Variants in MEIG1 observed in about 807,000 individuals in gnomAD.
The protein encoded by MEIG1 is meiosis expressed gene 1 protein homolog.
In MEIG1, 12 loss-of-function variants were observed where a neutral mutation model predicts 11.3. The observed-to-expected ratio is 1.07, with a 90% CI of 0.68 to 1.73. MEIG1 has a LOEUF of 1.73. Ranked by LOEUF, MEIG1 falls within the 40% of genes most tolerant of loss-of-function variation. The probability of loss-of-function intolerance (pLI) is 0.00; values close to 1 mark genes in which losing one functional copy is unlikely to be tolerated. For missense variants in MEIG1, 119 were observed against 104.9 expected (o/e 1.13, Z -0.59); for synonymous variants, 41 against 33.2 (o/e 1.24, Z -0.81).
At chr10:14,955,133 C>T (rs1589196695), upstream of MEIG1, among the ~76,000 whole-genome samples, 1 of 152,094 alleles carries the variant, frequency 6.6e-6, no homozygotes, top group African/African-American at 2.4e-5. Context: ...GGTTTCACCA[C>T]GTTGACCAGG....
chr10:14,974,317 C>T (rs896150921), downstream of MEIG1, among the ~76,000 whole-genome samples: 1 of 141,486 alleles, frequency 7.1e-6, no homozygotes, highest in African/African-American at 2.5e-5. Context: ...ACATGAGCAA[C>T]CGGTGGCAAT....
chr10:14,961,660 A>T (rs1450912406), intron 1 of MEIG1, among the ~76,000 whole-genome samples: 66 of 25,566 alleles, frequency 2.6e-3, no homozygotes, highest in South Asian at 3.5e-3. Context: ...TTTTTTTTTT[A>T]GTAGAGACAG....
intron 1 of MEIG1, among the ~76,000 whole-genome samples, chr10:14,960,257 A>G (rs148259917): frequency 1.3e-5 from 2 of 152,202 alleles, no homozygotes; most frequent in Non-Finnish European, 2.9e-5. Flanking sequence ...AAAAGGGACT[A>G]TTAGGGAGGC....
chr10:14,984,870 A>G (rs1843302536), intron 1 of MEIG1, among the ~76,000 whole-genome samples: 1 of 151,622 alleles, frequency 6.6e-6, no homozygotes, highest in Admixed American at 6.6e-5. Flanking sequence ...CTCGTAATTC[A>G]CAGGTCCTGT....
chr10:14,974,824 ATAT>A (rs1303719028), downstream of MEIG1, among the ~76,000 whole-genome samples: 50 of 152,024 alleles, frequency 3.3e-4, 1 homozygote, highest in Non-Finnish European at 5.7e-4. Flanking sequence ...ATTAATATTA[ATAT>A]TAATAATCTG....
At chr10:14,984,624 G>T (rs993026212) in intron 1 of MEIG1, among the ~76,000 whole-genome samples, 1 of 151,860 alleles carries the variant, frequency 6.6e-6, no homozygotes, top group African/African-American at 2.4e-5. Flanking sequence ...TATGTCACAG[G>T]GTTTGTACAC....
chr10:14,967,418 A>T (rs889069278), intron 2 of MEIG1, among the ~76,000 whole-genome samples: 2 of 152,042 alleles, frequency 1.3e-5, no homozygotes, highest in African/African-American at 4.8e-5. Flanking sequence ...GCTTTGCTTT[A>T]TGAAGGCTAG....
At chr10:14,974,743 TTAA>T (rs2131277149), downstream of MEIG1, among the ~76,000 whole-genome samples, 1 of 152,236 alleles carries the variant, frequency 6.6e-6, no homozygotes, top group Admixed American at 6.5e-5. Flanking sequence ...ATATTAATGA[TTAA>T]TGACACCTGA....
At chr10:14,965,700 G>GAGAGAGAA (rs1421666920) in intron 1 of MEIG1, among the ~76,000 whole-genome samples, 1 of 107,882 alleles carries the variant, frequency 9.3e-6, no homozygotes, top group African/African-American at 3.4e-5. Context: ...GAGAGAGAGA[G>GAGAGAGAA]AGAGAGAGAG....
chr10:14,973,200 A>C (rs375968806), downstream of MEIG1, among the ~76,000 whole-genome samples: 32 of 152,266 alleles, frequency 2.1e-4, no homozygotes, highest in East Asian at 4.1e-3. Context: ...ATCACCATTA[A>C]GTATGGGAAA....
At chr10:14,984,812 G>A (rs1330325209) in intron 1 of MEIG1, among the ~76,000 whole-genome samples, 1 of 152,088 alleles carries the variant, frequency 6.6e-6, no homozygotes, top group Non-Finnish European at 1.5e-5. Flanking sequence ...GATGTCACAC[G>A]GGGTGGACAC....
At chr10:14,962,493 T>C (rs1050212415) in intron 1 of MEIG1, among the ~76,000 whole-genome samples, 3 of 152,228 alleles carry the variant, frequency 2.0e-5, no homozygotes, top group Admixed American at 6.5e-5. Context: ...CAAAGTCCAA[T>C]TGAATACAGC....
At chr10:14,954,661 C>T (rs978097350), upstream of MEIG1, among the ~76,000 whole-genome samples, 1 of 152,050 alleles carries the variant, frequency 6.6e-6, no homozygotes, top group Non-Finnish European at 1.5e-5. Context: ...CCAATAATGC[C>T]TTCGCTGCTG....
At chr10:14,978,233 C>G (rs1279684011) in intron 1 of MEIG1, among the ~76,000 whole-genome samples, 1 of 151,698 alleles carries the variant, frequency 6.6e-6, no homozygotes. Context: ...GATGTTAGTC[C>G]TAAGACCCAG....
At chr10:14,973,957 G>A (rs74662960), downstream of MEIG1, among the ~76,000 whole-genome samples, 1 of 152,188 alleles carries the variant, frequency 6.6e-6, no homozygotes, top group South Asian at 2.1e-4. Flanking sequence ...TGGGAATCAC[G>A]TGCTTATTTC....
chr10:14,955,535 C>A (rs1842922516), upstream of MEIG1, among the ~76,000 whole-genome samples: 2 of 152,084 alleles, frequency 1.3e-5, no homozygotes, highest in African/African-American at 4.8e-5. Context: ...GAAACCCCAT[C>A]TCTACTAAAA....
chr10:14,980,626 T>C (rs12265197), intron 1 of MEIG1, among the ~76,000 whole-genome samples: 8,116 of 152,198 alleles, frequency 0.053, 719 homozygotes, highest in African/African-American at 0.18. Context: ...CCGACTGACC[T>C]GGGGTGTCCC....
chr10:14,963,703 A>G (rs7914482), intron 1 of MEIG1, among the ~76,000 whole-genome samples: 97,302 of 151,868 alleles, frequency 0.64, 31,453 homozygotes, highest in Non-Finnish European at 0.68. Context: ...GGTGGCTTAC[A>G]CCTGTAATCA....
At chr10:14,974,210 T>TACTCTTGGGGGTTTTGACAATC (rs1843186749), downstream of MEIG1, among the ~76,000 whole-genome samples, 1 of 152,130 alleles carries the variant, frequency 6.6e-6, no homozygotes, top group Non-Finnish European at 1.5e-5. Context: ...GGTCCTTCCA[T>TACTCTTGGGGGTTTTGACAATC]ACTCTTGGGG....
Sources: gnomAD v4.1 joint callset for allele counts (sites outside exome capture counted in the v4.1 genomes callset) on GRCh38, gnomAD v4.1.1 for gene constraint, MANE v1.5 for transcripts, NCBI Gene and HGNC (gene_info 2026-07-23, HGNC 2026-07-21) for gene names.